The following FKBP11 variants were observed in gnomAD, a reference collection of about 807,000 sequenced individuals.
The protein encoded by FKBP11 is FKBP prolyl isomerase 11, also known as peptidyl-prolyl cis-trans isomerase FKBP11.
FKBP11 carries 21 observed loss-of-function variants against 24.7 expected under a neutral mutation model. The observed-to-expected ratio is 0.85, with a 90% CI of 0.60 to 1.23. FKBP11 has a LOEUF of 1.23. Among genes scored for constraint, FKBP11 ranks in the 50% most tolerant of loss-of-function variants. The pLI is 0.00. For missense variants in FKBP11, 245 were observed against 248.7 expected, an observed-to-expected ratio of 0.99 and a Z score of 0.10; for synonymous variants, 106 against 100.6, an observed-to-expected ratio of 1.05 and a Z score of -0.32.
rs769672183 is a variant in FKBP11, at chr12:48,925,359, G to A, written c.70C>T (p.Arg24Trp). 1 of 1,606,802 alleles carries A rather than the reference G, an allele frequency of 6.2e-7. No homozygotes were observed. Among genetic ancestry groups the A allele is most frequent in the South Asian group, 1.1e-5 (1 of 89,444 alleles). ...LLLLLSAAVC[R>W]AEAGLETESP... ...TCGGTTTCGAGCCCAGCCTCAGCCCGGCACACCGCCGCACTGAGCAGCAGC... is the reference window on the plus strand; with the variant it reads ...TCGGTTTCGAGCCCAGCCTCAGCCCAGCACACCGCCGCACTGAGCAGCAGC... Residue 24 changes from arginine to tryptophan, a missense_variant, in exon 1 of 6, where the codon CGG becomes TGG. By Grantham distance (101) the Arg-to-Trp change is moderately radical. Coordinates refer to ENST00000550765, the MANE Select transcript of FKBP11 (RefSeq NM_016594.3).
rs1222376244 is a variant in FKBP11, at chr12:48,923,826, G to A, written c.344C>T (p.Ser115Phe). The A allele has an allele frequency of 8.1e-6, 13 of 1,614,164 alleles. No homozygotes were observed. The highest frequency in any genetic ancestry group is 1.1e-5 in the Non-Finnish European group (13 of 1,180,026). ...TCCCCGTTTTCCATAGGCCAAGTGA[G>A]AAGGAATGATTGCCCTTCGCTTCTC... ...VGEKRRAIIPSHLAYGKRGFP... is the reference protein window; with the variant it reads ...VGEKRRAIIPFHLAYGKRGFP... The change falls in exon 5 of 6, where the codon TCT becomes TTT. Residue 115 changes from serine to phenylalanine, a missense_variant. Coordinates refer to ENST00000550765, the MANE Select transcript of FKBP11 (RefSeq NM_016594.3).
intron 5 of FKBP11, chr12:48,923,027 A>G: frequency 1.4e-6 from 1 of 739,356 alleles, no homozygotes; most frequent in Non-Finnish European, 2.0e-6. Context: ...GCATGCCTGT[A>G]ATCCCAGCTA....
At chr12:48,927,991 T>TA (rs2137562370), upstream of FKBP11, among the ~76,000 whole-genome samples, 1 of 148,704 alleles carries the variant, frequency 6.7e-6, no homozygotes, top group East Asian at 2.0e-4. Flanking sequence ...GTTCAATCTG[T>TA]AACTGGCCGT....
At chr12:48,932,245 A>G in the FKBP11 span, among the ~76,000 whole-genome samples, 4 of 39,656 alleles carry the variant, frequency 1.0e-4, no homozygotes, top group Non-Finnish European at 1.8e-4. Context: ...ATATATATAT[A>G]TATATATATA....
At chr12:48,922,411 T>C (rs1776287762) in intron 5 of FKBP11, 1 of 689,346 alleles carries the variant, frequency 1.5e-6, no homozygotes, top group Non-Finnish European at 2.2e-6. Context: ...CAACTACACA[T>C]GTGGCTTGGG....
rs745622342 is a variant in FKBP11 at position 48,925,375 on chromosome 12, G to GAGCAGC, written c.48_53dup (p.Leu17_Leu18dup). 4.8e-5 allele frequency: 77 copies of GAGCAGC among 1,601,568 alleles called. No homozygotes were observed. The highest frequency in any genetic ancestry group is 5.7e-5 in the Non-Finnish European group (67 of 1,175,184). The stretch of plus-strand genomic sequence containing the variant: ...CCTCAGCCCGGCACACCGCCGCACT[G>GAGCAGC]AGCAGCAGCAGCAGCAGCAGATGGA... On this transcript the variant is annotated inframe_insertion, in exon 1 of 6. Transcript: ENST00000550765.
At chr12:48,928,447 C>T (rs1315453358), upstream of FKBP11, among the ~76,000 whole-genome samples, 1 of 151,670 alleles carries the variant, frequency 6.6e-6, no homozygotes, top group Non-Finnish European at 1.5e-5. Flanking sequence ...TGAGTTCAAG[C>T]GAGCATATCT....
chr12:48,935,609 T>C, the FKBP11 span: 1 of 152,146 alleles, frequency 6.6e-6, no homozygotes, highest in African/African-American at 2.4e-5. Context: ...CTCAAGACAT[T>C]TGTGGGATCT....
chr12:48,923,792 T>C lies in FKBP11; in HGVS notation c.378A>G (p.Pro126=). The C allele has an allele frequency of 6.2e-7, 1 of 1,613,994 alleles. No individual in the cohort carries two copies. Reference sequence around the variant, plus strand: ...TCCTAGTCAGATTACCTGGGACAGATGGTGGAAATCCCCGTTTTCCATAGG... The same window carrying C: ...TCCTAGTCAGATTACCTGGGACAGACGGTGGAAATCCCCGTTTTCCATAGG... ...HLAYGKRGFP[P]SVPADAVVQY... Residue 126 remains proline, a synonymous_variant, in exon 5 of 6, where the codon CCA becomes CCG. Transcript: ENST00000550765.
rs1939945687 is a variant in FKBP11, at chr12:48,925,485, G to C, written c.-57C>G. Reference sequence around the variant, plus strand: ...AGGACAGGCTGTTCGGGTGGCGGCAGCCAGGACAGCGTTCCCGCGGCGCCC... The same window carrying C: ...AGGACAGGCTGTTCGGGTGGCGGCACCCAGGACAGCGTTCCCGCGGCGCCC... On this transcript the variant is annotated 5_prime_UTR_variant, in exon 1 of 6. Transcript: ENST00000550765. 4 of 1,521,244 alleles carry C rather than the reference G, an allele frequency of 2.6e-6. No homozygotes were observed. Among genetic ancestry groups the C allele is most frequent in the South Asian group, 1.2e-5 (1 of 81,786 alleles). 94.2% of individuals were successfully genotyped at this position (1,521,244 alleles called of 1,614,324 possible). A position where few individuals can be genotyped will look rare whatever the true frequency, so the allele number is the denominator to read the frequency against.
Position 48,925,077 on chromosome 12 carries a change from G to T in FKBP11, c.164C>A (p.Ala55Asp). ...GTGTATGTGAAGCGTGTCTCCAAAAGCAGCGGGCTCGGCACATGGTTCTGG... is the reference window on the plus strand; with the variant it reads ...GTGTATGTGAAGCGTGTCTCCAAAATCAGCGGGCTCGGCACATGGTTCTGG... Reference protein sequence around the residue: ...EPPEPCAEPAAFGDTLHIHYT... With the variant: ...EPPEPCAEPADFGDTLHIHYT... Residue 55 changes from alanine to aspartate, a missense_variant, in exon 2 of 6, where the codon GCT becomes GAT. Ala to Asp is a moderately radical substitution (Grantham distance 126). Coordinates refer to ENST00000550765, the MANE Select transcript of FKBP11 (RefSeq NM_016594.3). 3 of 1,529,254 alleles carry T rather than the reference G, an allele frequency of 2.0e-6. No homozygotes were observed. Among genetic ancestry groups the T allele is most frequent in the Non-Finnish European group, 2.7e-6 (3 of 1,128,222 alleles). 94.7% of individuals were successfully genotyped at this position (1,529,254 alleles called of 1,614,324 possible). A position where few individuals can be genotyped will look rare whatever the true frequency, so the allele number is the denominator to read the frequency against.
chr12:48,938,070 T>C, the FKBP11 span: 5 of 216,758 alleles, frequency 2.3e-5, no homozygotes, highest in South Asian at 3.4e-4. Flanking sequence ...GAAGGATCAG[T>C]TGAACACTCT....
chr12:48,938,965 C>T, the FKBP11 span: 14 of 1,612,202 alleles, frequency 8.7e-6, no homozygotes, highest in Non-Finnish European at 1.0e-5. Context: ...TGTTTTTGAG[C>T]TGATTGGCCA....
upstream of FKBP11, chr12:48,931,286 G>A (rs1044391588): frequency 1.4e-6 from 1 of 701,360 alleles, no homozygotes. Flanking sequence ...GGTGAAGGTG[G>A]AAGGCTATTG....
At chr12:48,932,901 A>G in the FKBP11 span, among the ~76,000 whole-genome samples, 1 of 152,150 alleles carries the variant, frequency 6.6e-6, no homozygotes, top group East Asian at 1.9e-4. Flanking sequence ...AAGGAAGGGT[A>G]CATGGGTAGA....
chr12:48,934,636 A>C, the FKBP11 span, among the ~76,000 whole-genome samples: 3 of 152,302 alleles, frequency 2.0e-5, no homozygotes, highest in African/African-American at 7.2e-5. Flanking sequence ...AAGACCCCCC[A>C]GTGGCCCACC....
At chr12:48,925,533 G>T, upstream of FKBP11, 1 of 1,383,388 alleles carries the variant, frequency 7.2e-7, no homozygotes, top group Non-Finnish European at 9.6e-7. Context: ...ACGGGACGGG[G>T]CGGGTCGCGA....
upstream of FKBP11, chr12:48,931,321 T>G (rs1940047587): frequency 8.8e-7 from 1 of 1,136,306 alleles, no homozygotes; most frequent in Non-Finnish European, 1.3e-6. Context: ...GAGGCTCTGT[T>G]CAGGAACCTG....
chr12:48,938,683 C>T, the FKBP11 span: 1 of 477,412 alleles, frequency 2.1e-6, no homozygotes, highest in Non-Finnish European at 3.9e-6. Flanking sequence ...GAGAGAGGGG[C>T]CACCCCATGA....
Sources: gnomAD v4.1 joint callset for allele counts (sites outside exome capture counted in the v4.1 genomes callset) on GRCh38, gnomAD v4.1.1 for gene constraint, MANE v1.5 for transcripts, NCBI Gene and HGNC (gene_info 2026-07-23, HGNC 2026-07-21) for gene names.